MINAR1: variants seen among roughly 807,000 people sequenced by gnomAD.
MINAR1 encodes membrane integral NOTCH2 associated receptor 1.
Under a neutral mutation model 65.1 loss-of-function variants are expected in MINAR1, and 40 were observed. That is an observed-to-expected ratio of 0.61 (90% CI 0.48 to 0.80). The LOEUF is 0.80. Ranked by LOEUF, MINAR1 falls within the 30% of genes least tolerant of loss-of-function variation. MINAR1 has a pLI of 0.00. For synonymous variants in MINAR1, 482 were observed against 449.1 expected (o/e 1.07, Z -0.93); for missense variants, 1,128 against 1,148.0 (o/e 0.98, Z 0.25).
chr15:79,461,516 G>A (rs985114185), intron 2 of MINAR1, among the ~76,000 whole-genome samples: 1 of 152,226 alleles, frequency 6.6e-6, no homozygotes, highest in African/African-American at 2.4e-5. Context: ...AGTGTTGGGC[G>A]GTGGTGATGA....
rs185000915 is a variant in MINAR1 at position 79,437,347 on chromosome 15, T to C, written c.-51+4807T>C. On this transcript the variant is annotated intron_variant, in intron 1 of 3. Transcript: ENST00000305428. ...GTGATTGGGTGTGAGTGAGTAGTGA[T>C]TGAGTGTGGGTGGGATAGGTAGTGA... Among the ~76,000 whole-genome samples, 5 of 150,500 alleles carry C rather than the reference T, an allele frequency of 3.3e-5. No individual in the cohort carries two copies. The East Asian group carries it at 1.0e-3, about 30-fold the overall frequency.
intron 1 of MINAR1, among the ~76,000 whole-genome samples, chr15:79,436,914 G>A (rs1170122237): frequency 6.6e-6 from 1 of 152,144 alleles, no homozygotes; most frequent in Non-Finnish European, 1.5e-5. Context: ...CTCAATATGT[G>A]TCCAATTCCC....
At chr15:79,466,015 G>A (rs1895838054) in intron 3 of MINAR1, among the ~76,000 whole-genome samples, 1 of 152,050 alleles carries the variant, frequency 6.6e-6, no homozygotes. Context: ...GGAAGCTCAG[G>A]GAAGAGGCTT....
At chr15:79,465,407 C>T (rs577271390) in intron 3 of MINAR1, among the ~76,000 whole-genome samples, 2 of 150,650 alleles carry the variant, frequency 1.3e-5, no homozygotes, top group Non-Finnish European at 2.9e-5. Flanking sequence ...GGTGCAGACC[C>T]CGTTCTTCTT....
chr15:79,442,057 T>G (rs1245909355), intron 1 of MINAR1, among the ~76,000 whole-genome samples: 1 of 151,334 alleles, frequency 6.6e-6, no homozygotes, highest in Non-Finnish European at 1.5e-5. Flanking sequence ...TTACTTTTTT[T>G]TTTTACTGTT....
chr15:79,441,540 T>G (rs1894869372), intron 1 of MINAR1, among the ~76,000 whole-genome samples: 1 of 152,178 alleles, frequency 6.6e-6, no homozygotes. Context: ...TTCATAAACT[T>G]TGTTTACATA....
Position 79,449,047 on chromosome 15 carries a change from G to A in MINAR1, c.-50-7051G>A, listed in dbSNP as rs147374703. 1.6e-4 allele frequency among the ~76,000 whole-genome samples: 24 copies of A among 152,240 alleles called. 1 individual carries two copies. The East Asian group carries it at 4.2e-3, about 27-fold the overall frequency. ...CATGAGAAATGAACAAGGTGCCACA[G>A]GGTAATGGGAAAAAAAATCAGGCAT... On this transcript the variant is annotated intron_variant, in intron 1 of 3. Coordinates refer to ENST00000305428, the MANE Select transcript of MINAR1 (RefSeq NM_015206.3).
At chr15:79,415,878 G>A in the MINAR1 span, 15 of 152,300 alleles carry the variant, frequency 9.8e-5, no homozygotes, top group South Asian at 3.1e-3. Context: ...AATTCCCATG[G>A]TGTGGCAGGA....
At chr15:79,421,321 T>C in the MINAR1 span, 1 of 152,206 alleles carries the variant, frequency 6.6e-6, no homozygotes, top group East Asian at 1.9e-4. Flanking sequence ...AGGATGATGA[T>C]AGTGACCTCC....
intron 1 of MINAR1, among the ~76,000 whole-genome samples, chr15:79,447,893 A>G (rs368521929): frequency 2.6e-5 from 4 of 152,150 alleles, no homozygotes; most frequent in East Asian, 3.9e-4. Flanking sequence ...ACATAAAGCT[A>G]GAGAATAGTC....
At position 79,469,061 on chromosome 15, in the gene MINAR1, G is replaced by C. The variant is rs1268773062; in HGVS notation, c.*677G>C. On this transcript the variant is annotated 3_prime_UTR_variant, in exon 4 of 4. Transcript: ENST00000305428. ...TCAGGCGTGGAATGAAGTATGCTCA[G>C]ACTGCATGATGGGCCAAGGTATTCA... 2 of 153,850 alleles carry C rather than the reference G, an allele frequency of 1.3e-5. No individual in the cohort carries two copies. The highest frequency in any genetic ancestry group is 4.8e-5 in the African/African-American group (2 of 41,468). 9.5% of individuals were successfully genotyped at this position (153,850 alleles called of 1,614,324 possible).
chr15:79,468,543 T>G lies in MINAR1; in HGVS notation c.*159T>G. 1.5e-6 allele frequency: 1 copy of G among 664,920 alleles called. No homozygotes were observed. 41.2% of individuals were successfully genotyped at this position (664,920 alleles called of 1,614,324 possible). ...GAAGGTGGTTTTCAGAAAGTATACA[T>G]TCTAGTGAGAAATCTACCTACCTAT... On this transcript the variant is annotated 3_prime_UTR_variant, in exon 4 of 4. Coordinates refer to ENST00000305428, the MANE Select transcript of MINAR1 (RefSeq NM_015206.3).
chr15:79,453,509 G>T (rs989058096), intron 1 of MINAR1, among the ~76,000 whole-genome samples: 5 of 152,176 alleles, frequency 3.3e-5, no homozygotes, highest in African/African-American at 1.2e-4. Flanking sequence ...ACTGCTGAGG[G>T]CTTCATGCTG....
At chr15:79,464,875 C>G (rs1253769754) in intron 3 of MINAR1, among the ~76,000 whole-genome samples, 1 of 130,282 alleles carries the variant, frequency 7.7e-6, no homozygotes, top group African/African-American at 3.1e-5. Context: ...TTTGATTCTC[C>G]CTCCGGTGGA....
chr15:79,464,923 A>T (rs1253388024), intron 3 of MINAR1, among the ~76,000 whole-genome samples: 1 of 152,006 alleles, frequency 6.6e-6, no homozygotes, highest in African/African-American at 2.4e-5. Context: ...ATATTTCATC[A>T]GTATCACTGG....
chr15:79,433,454 A>G (rs1000739885), intron 1 of MINAR1, among the ~76,000 whole-genome samples: 1 of 152,176 alleles, frequency 6.6e-6, no homozygotes, highest in African/African-American at 2.4e-5. Flanking sequence ...GGAAAAATCC[A>G]GAGTTTCTGC....
At position 79,457,835 on chromosome 15, in the gene MINAR1, A is replaced by C. The variant is rs758064288; in HGVS notation, c.1688A>C (p.Asn563Thr). The change falls in exon 2 of 4, where the codon AAC becomes ACC. Residue 563 changes from asparagine (N) to threonine (T), a missense_variant. Transcript: ENST00000305428. ...KSDCDSSPEHNLTKIANGVPN... is the reference protein window; with the variant it reads ...KSDCDSSPEHTLTKIANGVPN... ...GACTGCGACAGTTCCCCTGAGCACA[A>C]CTTAACCAAAATTGCCAATGGGGTC... The C allele has an allele frequency of 6.2e-7, 1 of 1,614,026 alleles. No individual in the cohort carries two copies. Among genetic ancestry groups the C allele is most frequent in the Non-Finnish European group, 8.5e-7 (1 of 1,180,046 alleles).
Position 79,468,294 on chromosome 15 carries a change from C to T in MINAR1, c.2661C>T (p.Ala887=). ...GTAAAGAAGCCGAATTCAGACGAGC[C>T]AAGGTCTGCAAGATAGCTGCTCTGA... ...LKRKEAEFRR[A]KVCKIAALIA... is the part of the protein sequence containing the mutation. Residue 887 remains alanine, a synonymous_variant, in exon 4 of 4, where the codon GCC becomes GCT. Transcript: ENST00000305428. The T allele has an allele frequency of 6.2e-7, 1 of 1,614,124 alleles. No individual in the cohort carries two copies. The highest frequency in any genetic ancestry group is 8.5e-7 in the Non-Finnish European group (1 of 1,179,996).
intron 1 of MINAR1, 124 bp from the exon 2 acceptor site, chr15:79,455,974 T>G: frequency 1.6e-6 from 1 of 608,058 alleles, no homozygotes; most frequent in South Asian, 2.3e-5. Context: ...CCTTATTACA[T>G]TTTTAATCAT....
Sources: gnomAD v4.1 joint callset for allele counts (sites outside exome capture counted in the v4.1 genomes callset) on GRCh38, gnomAD v4.1.1 for gene constraint, MANE v1.5 for transcripts, NCBI Gene and HGNC (gene_info 2026-07-23, HGNC 2026-07-21) for gene names.